Variants in POGZ observed in about 807,000 individuals in gnomAD.
POGZ encodes pogo transposable element derived with ZNF domain.
In POGZ, 17 loss-of-function variants were observed where a neutral mutation model predicts 134.6. The ratio of observed to expected loss-of-function variants is 0.13; its 90% CI spans 0.09 to 0.19. The LOEUF (loss-of-function observed/expected upper bound fraction) is 0.19. Ranked by LOEUF, POGZ falls within the 10% of genes least tolerant of loss-of-function variation. The probability of loss-of-function intolerance (pLI) is 1.00; values close to 1 mark genes in which losing one functional copy is unlikely to be tolerated. For synonymous variants in POGZ, 693 were observed against 657.1 expected (o/e 1.05, Z -0.84); for missense variants, 1,306 against 1,769.7 (o/e 0.74, Z 4.70).
At chr1:151,456,234 A>C (rs936053793) in intron 1 of POGZ, among the ~76,000 whole-genome samples, 2 of 152,112 alleles carry the variant, frequency 1.3e-5, no homozygotes, top group Non-Finnish European at 2.9e-5. Flanking sequence ...CTTCCAAATA[A>C]CATATTTCAT....
chr1:151,431,470 A>C (rs1658683291), intron 3 of POGZ, among the ~76,000 whole-genome samples: 3 of 152,224 alleles, frequency 2.0e-5, no homozygotes, highest in Admixed American at 2.0e-4. Context: ...TAATTCAGCA[A>C]GCACACAGAA....
intron 1 of POGZ, among the ~76,000 whole-genome samples, chr1:151,453,285 GAACT>G (rs968434037): frequency 1.3e-5 from 2 of 151,830 alleles, no homozygotes; most frequent in African/African-American, 4.8e-5. Flanking sequence ...GGAGGGAGTG[GAACT>G]ACCTACTCAT....
Position 151,428,345 on chromosome 1 carries a change from T to C in POGZ, c.637A>G (p.Arg213Gly), listed in dbSNP as rs1179579270. Reference protein sequence around the residue: ...PQVFSQMTPVRPGSTMPVRPT... With the variant: ...PQVFSQMTPVGPGSTMPVRPT... The stretch of plus-strand genomic sequence containing the variant: ...CTCACAGGCATTGTGGAGCCTGGCC[T>C]CACAGGGGTCATCTGGGAGAACACT... The change falls in exon 6 of 19, where the codon AGG becomes GGG. Residue 213 changes from arginine to glycine, a missense_variant. Around this residue, in one of 10 missense-constraint regions of POGZ, gnomAD observed 541 missense variants for 680.5 expected, o/e 0.80. Coordinates refer to ENST00000271715, the MANE Select transcript of POGZ (RefSeq NM_015100.4). 6.2e-7 allele frequency: 1 copy of C among 1,613,962 alleles called. No individual in the cohort carries two copies. The highest frequency in any genetic ancestry group is 1.1e-5 in the South Asian group (1 of 91,078).
intron 1 of POGZ, among the ~76,000 whole-genome samples, chr1:151,445,959 C>G (rs1035781279): frequency 6.6e-6 from 1 of 151,286 alleles, no homozygotes; most frequent in African/African-American, 2.4e-5. Context: ...TAATAAAATG[C>G]AGTATTTAAT....
chr1:151,450,298 G>C (rs1373491868), intron 1 of POGZ, among the ~76,000 whole-genome samples: 1 of 151,740 alleles, frequency 6.6e-6, no homozygotes, highest in Non-Finnish European at 1.5e-5. Flanking sequence ...TCCCCAAAGT[G>C]CTGGGATTAC....
At chr1:151,407,059 C>G in intron 16 of POGZ, 36 bp from the exon 17 acceptor site, 1 of 1,502,298 alleles carries the variant, frequency 6.7e-7, no homozygotes, top group Non-Finnish European at 9.3e-7. Context: ...AAGACAAACA[C>G]AGCAGTGACA....
intron 3 of POGZ, among the ~76,000 whole-genome samples, chr1:151,433,329 T>C (rs1659026921): frequency 6.6e-6 from 1 of 152,138 alleles, no homozygotes; most frequent in South Asian, 2.1e-4. Flanking sequence ...CCAAAAAGGC[T>C]GGGCAAGGTG....
intron 10 of POGZ, among the ~76,000 whole-genome samples, chr1:151,413,601 C>T (rs150558437): frequency 6.6e-6 from 1 of 151,430 alleles, no homozygotes; most frequent in Admixed American, 6.6e-5. Context: ...CCTCCCCCCG[C>T]CCCCAGCCCC....
Position 151,452,634 on chromosome 1 carries a change from T to G in POGZ, c.-2+6518A>C, listed in dbSNP as rs540141789. 5.3e-5 allele frequency among the ~76,000 whole-genome samples: 8 copies of G among 152,096 alleles called. No individual in the cohort carries two copies. The South Asian group carries it at 1.0e-3, about 20-fold the overall frequency. On this transcript the variant is annotated intron_variant, in intron 1 of 18. Transcript: ENST00000271715. ...TAATCCCAGCACTTTGGGAGGCCAA[T>G]GCAGGCGGATCACAAGGACAGGAGT... is the stretch of plus-strand genomic sequence containing the variant.
At position 151,424,963 on chromosome 1, in the gene POGZ, G is replaced by A; in HGVS notation, c.1177C>T (p.His393Tyr). The change falls in exon 8 of 19, where the codon CAC becomes TAC. Residue 393 changes from histidine to tyrosine, a missense_variant. Physicochemically the swap from His to Tyr is moderately conservative, Grantham distance 83. Transcript: ENST00000271715. ...CAGGTGATATCACTTACACACATGT[G>A]ACCTCTCAAAGCTTCAGTAACACGA... ...QFRVTEALRG[H>Y]MCYCCPEMVE... 6.4e-7 allele frequency: 1 copy of A among 1,558,360 alleles called. No homozygotes were observed. The highest frequency in any genetic ancestry group is 8.8e-7 in the Non-Finnish European group (1 of 1,134,774).
At position 151,428,468 on chromosome 1, in the gene POGZ, A is replaced by G. The variant is rs1316278885; in HGVS notation, c.569-55T>C. 1.9e-5 allele frequency: 28 copies of G among 1,449,884 alleles called. No homozygotes were observed. In the Admixed American group the frequency reaches 4.8e-4, roughly 25 times the overall value. 89.8% of individuals were successfully genotyped at this position (1,449,884 alleles called of 1,614,324 possible). A position where few individuals can be genotyped will look rare whatever the true frequency, so the allele number is the denominator to read the frequency against. ...TGGTCAGTGAGCTCACCTATAACAC[A>G]TTCTCCCTGCCTTTACTGGAAAGAT... is the stretch of plus-strand genomic sequence containing the variant. On this transcript the variant is annotated intron_variant, in intron 5 of 18. Transcript: ENST00000271715.
Position 151,439,445 on chromosome 1 carries a change from G to A in POGZ, c.283+1483C>T, listed in dbSNP as rs1386459829. Among the ~76,000 whole-genome samples the A allele has an allele frequency of 2.6e-5, 4 of 152,162 alleles. No individual in the cohort carries two copies. The East Asian group carries it at 7.7e-4, about 29-fold the overall frequency. The stretch of plus-strand genomic sequence containing the variant: ...TACCTAAAGTTGGCAACAATGCGGG[G>A]AAAGAGCTACTGGCGGGCACTTATT... On this transcript the variant is annotated intron_variant, in intron 3 of 18. Transcript: ENST00000271715.
At chr1:151,457,532 T>C (rs1027407072) in intron 1 of POGZ, among the ~76,000 whole-genome samples, 3 of 152,218 alleles carry the variant, frequency 2.0e-5, no homozygotes, top group Non-Finnish European at 4.4e-5. Flanking sequence ...GTTCAAGCTC[T>C]CAGACCCTGA....
intron 10 of POGZ, among the ~76,000 whole-genome samples, chr1:151,414,396 C>A (rs552503726): frequency 6.6e-6 from 1 of 152,200 alleles, no homozygotes; most frequent in Non-Finnish European, 1.5e-5. Flanking sequence ...CTCCTATAAC[C>A]TATTTATCAG....
rs529271487 is a variant in POGZ, at chr1:151,403,462, T to G, written c.*1340A>C. The G allele has an allele frequency of 7.1e-6, 7 of 985,900 alleles. No individual in the cohort carries two copies. In the South Asian group the frequency reaches 2.3e-4, roughly 33 times the overall value. 61.1% of individuals were successfully genotyped at this position (985,900 alleles called of 1,614,324 possible). A position where few individuals can be genotyped will look rare whatever the true frequency, so the allele number is the denominator to read the frequency against. ...TCCTTGGCTCACAGGAGGGGAACATTGTGGAAAGCCTCAGGATAAACAGAA... is the reference window on the plus strand; with the variant it reads ...TCCTTGGCTCACAGGAGGGGAACATGGTGGAAAGCCTCAGGATAAACAGAA... On this transcript the variant is annotated 3_prime_UTR_variant, in exon 19 of 19. Transcript: ENST00000271715.
At chr1:151,431,272 T>A (rs1257773653) in intron 3 of POGZ, among the ~76,000 whole-genome samples, 3 of 152,176 alleles carry the variant, frequency 2.0e-5, no homozygotes, top group Non-Finnish European at 2.9e-5. Context: ...CACATTAGAA[T>A]TCTATGTGGC....
rs1022958175 is a variant in POGZ at position 151,430,904 on chromosome 1, C to T, written c.284-63G>A. Reference sequence around the variant, plus strand: ...GAAACAATGTTAAACCCACATTTTACTTTATTTTATTTTATTTTATTTTAT... The same window carrying T: ...GAAACAATGTTAAACCCACATTTTATTTTATTTTATTTTATTTTATTTTAT... On this transcript the variant is annotated intron_variant, in intron 3 of 18. Coordinates refer to ENST00000271715, the MANE Select transcript of POGZ (RefSeq NM_015100.4). 7.7e-5 allele frequency: 33 copies of T among 426,770 alleles called. 1 individual carries two copies. Among genetic ancestry groups the T allele is most frequent in the African/African-American group, 6.5e-4 (29 of 44,944 alleles). 26.4% of individuals were successfully genotyped at this position (426,770 alleles called of 1,614,324 possible).
In POGZ at chr1:151,403,182, A is replaced by G. The variant is rs891135426; in HGVS notation, c.*1620T>C. 3.1e-6 allele frequency: 3 copies of G among 982,122 alleles called. No homozygotes were observed. In the African/African-American group the frequency reaches 5.3e-5, roughly 17 times the overall value. The allele number at this position is 982,122 out of a possible 1,614,324, so 60.8% of individuals were successfully genotyped here. A position where few individuals can be genotyped will look rare whatever the true frequency, so the allele number is the denominator to read the frequency against. On this transcript the variant is annotated 3_prime_UTR_variant, in exon 19 of 19. Coordinates refer to ENST00000271715, the MANE Select transcript of POGZ (RefSeq NM_015100.4). The stretch of plus-strand genomic sequence containing the variant: ...GGAAGGGACTTTTCCAGTTCACTAT[A>G]TTATAGTGTGCTGGGGGATGAAAAA...
At chr1:151,437,204 C>CAA (rs35014457) in intron 3 of POGZ, among the ~76,000 whole-genome samples, 7 of 121,996 alleles carry the variant, frequency 5.7e-5, no homozygotes, top group East Asian at 4.7e-4. Flanking sequence ...GACTCCGTCT[C>CAA]AAAAAAAAAA....
Sources: gnomAD v4.1 joint callset for allele counts (sites outside exome capture counted in the v4.1 genomes callset) on GRCh38, gnomAD v4.1.1 for gene constraint, gnomAD v4.1.1 regional missense constraint, MANE v1.5 for transcripts, NCBI Gene and HGNC (gene_info 2026-07-23, HGNC 2026-07-21) for gene names.